CLIP4: variants seen among roughly 807,000 people sequenced by gnomAD.
The protein encoded by CLIP4 is CAP-Gly domain-containing linker protein 4.
A neutral mutation model predicts 73.1 loss-of-function variants in CLIP4; 47 were observed. That is an observed-to-expected ratio of 0.64 (90% CI 0.51 to 0.82). The LOEUF is 0.82. Ranked by LOEUF, CLIP4 falls within the 40% of genes least tolerant of loss-of-function variation. CLIP4 has a pLI of 0.00. For missense variants in CLIP4, 874 were observed against 852.9 expected, an observed-to-expected ratio of 1.02 and a Z score of -0.31; for synonymous variants, 306 against 295.4, an observed-to-expected ratio of 1.04 and a Z score of -0.37.
chr2:29,171,091 C>T (rs1433078101), intron 14 of CLIP4, among the ~76,000 whole-genome samples: 1 of 152,082 alleles, frequency 6.6e-6, no homozygotes, highest in Non-Finnish European at 1.5e-5. Context: ...GGCCTTTCAC[C>T]TGTGTATATA....
At chr2:29,129,077 G>A (rs887589586) in intron 2 of CLIP4, among the ~76,000 whole-genome samples, 10 of 152,186 alleles carry the variant, frequency 6.6e-5, no homozygotes, top group South Asian at 2.1e-4. Context: ...GATTACTTAC[G>A]AAAATTTCAT....
At chr2:29,130,673 T>G (rs189637796) in intron 2 of CLIP4, 4 of 1,127,434 alleles carry the variant, frequency 3.5e-6, no homozygotes, top group Middle Eastern at 4.1e-4. Flanking sequence ...TTCAGTTCAA[T>G]CTTTCTGATT....
chr2:29,169,597 A>AT (rs1667872431), intron 14 of CLIP4, among the ~76,000 whole-genome samples: 1 of 151,898 alleles, frequency 6.6e-6, no homozygotes, highest in Non-Finnish European at 1.5e-5. Context: ...TCATATATTT[A>AT]TTTGCCATCT....
At chr2:29,161,544 A>G (rs1667292676) in intron 12 of CLIP4, among the ~76,000 whole-genome samples, 1 of 152,218 alleles carries the variant, frequency 6.6e-6, no homozygotes, top group Non-Finnish European at 1.5e-5. Context: ...AGATACTGTG[A>G]GTACTAGAGT....
chr2:29,116,089 C>T (rs1663800077), intron 1 of CLIP4, among the ~76,000 whole-genome samples: 1 of 152,194 alleles, frequency 6.6e-6, no homozygotes, highest in South Asian at 2.1e-4. Context: ...ATTAAATTGT[C>T]GAGAAACCTT....
intron 12 of CLIP4, among the ~76,000 whole-genome samples, chr2:29,161,160 G>C (rs1004574446): frequency 3.9e-5 from 6 of 152,130 alleles, no homozygotes; most frequent in African/African-American, 1.4e-4. Flanking sequence ...TTTTAGTAGA[G>C]ATGGTATTTC....
intron 10 of CLIP4, 73 bp downstream of exon 10, chr2:29,156,516 GT>G (rs1379931971): frequency 1.8e-6 from 2 of 1,089,334 alleles, no homozygotes; most frequent in Non-Finnish European, 2.7e-6. Flanking sequence ...TAGGAAAACA[GT>G]TTATATGGAG....
At chr2:29,150,307 A>T (rs182877490) in intron 8 of CLIP4, among the ~76,000 whole-genome samples, 1 of 152,320 alleles carries the variant, frequency 6.6e-6, no homozygotes, top group Non-Finnish European at 1.5e-5. Flanking sequence ...AAAAAGGTGG[A>T]GAGGGCTACC....
At chr2:29,129,395 G>A (rs1031121439) in intron 2 of CLIP4, among the ~76,000 whole-genome samples, 1 of 151,924 alleles carries the variant, frequency 6.6e-6, no homozygotes, top group Non-Finnish European at 1.5e-5. Flanking sequence ...ATTTATATAA[G>A]CACTTGTTTT....
rs150427688 is a variant in CLIP4, at chr2:29,127,543, G to A, written c.134-3715G>A. Among the ~76,000 whole-genome samples, 475 of 152,136 alleles carry A rather than the reference G, an allele frequency of 3.1e-3. 1 individual carries two copies. Among genetic ancestry groups the A allele is most frequent in the African/African-American group, 0.011 (453 of 41,512 alleles). The stretch of plus-strand genomic sequence containing the variant: ...CTAGAAAACAAACATTAAAGAACCC[G>A]CAATATTTCAAAGACATAAAAATTA... On this transcript the variant is annotated intron_variant, in intron 2 of 15. Coordinates refer to ENST00000320081, the MANE Select transcript of CLIP4 (RefSeq NM_024692.6).
chr2:29,102,641 T>C (rs2148432240), intron 1 of CLIP4, among the ~76,000 whole-genome samples: 1 of 152,014 alleles, frequency 6.6e-6, no homozygotes, highest in East Asian at 1.9e-4. Context: ...CTTTTTTTTT[T>C]TTGAGACAGA....
At chr2:29,127,856 T>G (rs189054474) in intron 2 of CLIP4, among the ~76,000 whole-genome samples, 1 of 152,282 alleles carries the variant, frequency 6.6e-6, no homozygotes, top group Non-Finnish European at 1.5e-5. Context: ...AGTTACAGAT[T>G]TGATGACAGT....
At chr2:29,121,626 C>A in intron 2 of CLIP4, 105 bp downstream of exon 2, 1 of 1,289,630 alleles carries the variant, frequency 7.8e-7, no homozygotes, top group South Asian at 1.4e-5. Flanking sequence ...TTATGGTTTT[C>A]ATAAAATTGC....
At chr2:29,165,179 G>A (rs1319781565) in intron 13 of CLIP4, among the ~76,000 whole-genome samples, 1 of 152,180 alleles carries the variant, frequency 6.6e-6, no homozygotes, top group Non-Finnish European at 1.5e-5. Flanking sequence ...TAGCCAAGGA[G>A]CTGGACTCAG....
chr2:29,165,879 C>G (rs913719744), intron 13 of CLIP4, among the ~76,000 whole-genome samples: 2 of 151,660 alleles, frequency 1.3e-5, no homozygotes, highest in African/African-American at 4.8e-5. Context: ...TTCCTTCTTG[C>G]TTTGTTTCTG....
chr2:29,153,029 T>C (rs1362316760), intron 9 of CLIP4, among the ~76,000 whole-genome samples: 1 of 152,194 alleles, frequency 6.6e-6, no homozygotes, highest in Non-Finnish European at 1.5e-5. Flanking sequence ...TGTTCCTTCC[T>C]TTTTTCTCTT....
rs140238446 is a variant in CLIP4, at chr2:29,157,819, G to A, written c.1399+472G>A. ...TTTCTTCAGTTATTTGTAAAGATAC[G>A]TAAAACACTTTATCAGACTTCTTTT... On this transcript the variant is annotated intron_variant, in intron 11 of 15. Transcript: ENST00000320081. 4.0e-3 allele frequency among the ~76,000 whole-genome samples: 611 copies of A among 152,288 alleles called. 8 individuals carry two copies. Among genetic ancestry groups the A allele is most frequent in the African/African-American group, 0.014 (566 of 41,572 alleles).
At chr2:29,139,208 T>A (rs1249710645) in intron 6 of CLIP4, among the ~76,000 whole-genome samples, 3 of 148,942 alleles carry the variant, frequency 2.0e-5, no homozygotes, top group South Asian at 4.2e-4. Context: ...TTTTTTTTTT[T>A]ATCATGAAGG....
intron 1 of CLIP4, among the ~76,000 whole-genome samples, chr2:29,098,303 C>T (rs997904929): frequency 3.9e-5 from 6 of 152,162 alleles, no homozygotes; most frequent in Non-Finnish European, 5.9e-5. Context: ...GTTTTACATT[C>T]GGTGGGTTTT....
Sources: gnomAD v4.1 joint callset for allele counts (sites outside exome capture counted in the v4.1 genomes callset) on GRCh38, gnomAD v4.1.1 for gene constraint, MANE v1.5 for transcripts, NCBI Gene and HGNC (gene_info 2026-07-23, HGNC 2026-07-21) for gene names.